Variants in NUDT3 observed in about 807,000 individuals in gnomAD.
The protein encoded by NUDT3 is nudix hydrolase 3, also known as diphosphoinositol polyphosphate phosphohydrolase 1.
A neutral mutation model predicts 23.6 loss-of-function variants in NUDT3; 9 were observed. That is an observed-to-expected ratio of 0.38 (90% CI 0.23 to 0.66). The LOEUF (loss-of-function observed/expected upper bound fraction) is 0.66, where lower values mean the gene tolerates loss of function less well. Among genes scored for constraint, NUDT3 ranks in the 30% least tolerant of loss-of-function variants. The pLI is 0.52. For synonymous variants in NUDT3, 86 were observed against 82.6 expected, an observed-to-expected ratio of 1.04 and a Z score of -0.22; for missense variants, 172 against 218.5, an observed-to-expected ratio of 0.79 and a Z score of 1.34.
chr6:34,342,699 A>G (rs3798557), intron 1 of NUDT3, among the ~76,000 whole-genome samples: 14,636 of 152,248 alleles, frequency 0.096, 810 homozygotes, highest in Non-Finnish European at 0.12. Flanking sequence ...AAAGTCAGTT[A>G]GACTCCCTGT....
intron 2 of NUDT3, among the ~76,000 whole-genome samples, chr6:34,341,001 G>A (rs1051152086): frequency 6.6e-6 from 1 of 152,156 alleles, no homozygotes; most frequent in East Asian, 1.9e-4. Flanking sequence ...CTTGTTGTAA[G>A]TGCTTTTTTA....
intron 2 of NUDT3, among the ~76,000 whole-genome samples, chr6:34,312,396 A>G (rs1398369221): frequency 6.7e-6 from 1 of 150,016 alleles, no homozygotes; most frequent in African/African-American, 2.5e-5. Context: ...AGTGAGACTC[A>G]TCACCAAAAA....
intron 1 of NUDT3, among the ~76,000 whole-genome samples, chr6:34,371,289 T>C (rs1388651177): frequency 6.6e-6 from 1 of 151,354 alleles, no homozygotes; most frequent in Non-Finnish European, 1.5e-5. Flanking sequence ...GCCAACATGG[T>C]GGAATTCGTC....
chr6:34,339,512 G>A (rs1764257781), intron 2 of NUDT3, among the ~76,000 whole-genome samples: 1 of 152,206 alleles, frequency 6.6e-6, no homozygotes, highest in South Asian at 2.1e-4. Flanking sequence ...CTGGGTTGGG[G>A]TCTGAGATTT....
intron 2 of NUDT3, among the ~76,000 whole-genome samples, chr6:34,299,352 A>G (rs1357272634): frequency 6.6e-6 from 1 of 152,222 alleles, no homozygotes; most frequent in East Asian, 1.9e-4. Context: ...TTAAAAGTCC[A>G]TCTTAGTAGA....
At chr6:34,363,259 C>T (rs2113753449) in intron 1 of NUDT3, among the ~76,000 whole-genome samples, 1 of 152,250 alleles carries the variant, frequency 6.6e-6, no homozygotes, top group Non-Finnish European at 1.5e-5. Flanking sequence ...GCTTGGGGGT[C>T]CTCCAGATCC....
At chr6:34,333,494 T>C (rs1241991430) in intron 2 of NUDT3, among the ~76,000 whole-genome samples, 2 of 152,212 alleles carry the variant, frequency 1.3e-5, no homozygotes, top group Non-Finnish European at 2.9e-5. Flanking sequence ...TTGGTGGACA[T>C]CTTTCAAGGA....
chr6:34,326,675 A>T (rs1317483547), intron 2 of NUDT3, among the ~76,000 whole-genome samples: 2 of 151,694 alleles, frequency 1.3e-5, no homozygotes, highest in Non-Finnish European at 2.9e-5. Flanking sequence ...ATCTCAGCTC[A>T]CTGCAACCTC....
At chr6:34,298,384 A>G (rs1763547221) in intron 2 of NUDT3, among the ~76,000 whole-genome samples, 1 of 152,144 alleles carries the variant, frequency 6.6e-6, no homozygotes, top group Non-Finnish European at 1.5e-5. Context: ...AAATAACTTC[A>G]AAACACAAAA....
intron 1 of NUDT3, among the ~76,000 whole-genome samples, chr6:34,372,931 C>A (rs1764854979): frequency 6.6e-6 from 1 of 151,536 alleles, no homozygotes; most frequent in African/African-American, 2.4e-5. Context: ...CTCATCCCTG[C>A]CCCCACTAAA....
At chr6:34,357,326 T>G (rs547957333) in intron 1 of NUDT3, among the ~76,000 whole-genome samples, 1 of 150,836 alleles carries the variant, frequency 6.6e-6, no homozygotes, top group South Asian at 2.1e-4. Flanking sequence ...TAATAAAAGG[T>G]TTTTTTTTAG....
chr6:34,333,365 G>A (rs896606646), intron 2 of NUDT3, among the ~76,000 whole-genome samples: 3 of 152,108 alleles, frequency 2.0e-5, no homozygotes, highest in African/African-American at 7.2e-5. Context: ...ATAAACTACT[G>A]AATAATCTCA....
intron 1 of NUDT3, among the ~76,000 whole-genome samples, chr6:34,348,191 C>G (rs1164565645): frequency 6.6e-6 from 1 of 151,622 alleles, no homozygotes; most frequent in Non-Finnish European, 1.5e-5. Context: ...GAGGGTGAGG[C>G]AGGAGAATCG....
At chr6:34,385,686 CT>C (rs541577321) in intron 1 of NUDT3, among the ~76,000 whole-genome samples, 412 of 140,096 alleles carry the variant, frequency 2.9e-3, no homozygotes, top group Middle Eastern at 3.6e-3. Flanking sequence ...GCAGTAATTT[CT>C]TTTTTTTTTT....
chr6:34,384,872 C>T (rs564056748), intron 1 of NUDT3, among the ~76,000 whole-genome samples: 5 of 151,094 alleles, frequency 3.3e-5, no homozygotes, highest in Non-Finnish European at 7.4e-5. Flanking sequence ...TCTCCACACA[C>T]ACACAAAATA....
chr6:34,323,203 C>G (rs1763972083), intron 2 of NUDT3, among the ~76,000 whole-genome samples: 2 of 151,516 alleles, frequency 1.3e-5, no homozygotes, highest in South Asian at 4.2e-4. Context: ...GCAATATACC[C>G]ATGTGCACAT....
intron 2 of NUDT3, among the ~76,000 whole-genome samples, chr6:34,333,267 C>CA (rs1764157309): frequency 6.6e-6 from 1 of 152,210 alleles, no homozygotes; most frequent in Non-Finnish European, 1.5e-5. Context: ...TTCTGAAATT[C>CA]AGCCAATATG....
chr6:34,316,835 G>A (rs923502522), intron 2 of NUDT3, among the ~76,000 whole-genome samples: 4 of 152,150 alleles, frequency 2.6e-5, no homozygotes, highest in Non-Finnish European at 4.4e-5. Context: ...GCCAATCTGA[G>A]GGCTTCAGCT....
At chr6:34,353,920 C>CA (rs1561916071) in intron 1 of NUDT3, among the ~76,000 whole-genome samples, 1 of 143,416 alleles carries the variant, frequency 7.0e-6, no homozygotes, top group Non-Finnish European at 1.5e-5. Context: ...TAGTCTTTTT[C>CA]TTTTTTTTTT....
Sources: gnomAD v4.1 joint callset for allele counts (sites outside exome capture counted in the v4.1 genomes callset) on GRCh38, gnomAD v4.1.1 for gene constraint, MANE v1.5 for transcripts, NCBI Gene and HGNC (gene_info 2026-07-23, HGNC 2026-07-21) for gene names.